The following SLC25A21 variants were observed in gnomAD, a reference collection of about 807,000 sequenced individuals.
SLC25A21 encodes the protein mitochondrial 2-oxodicarboxylate carrier.
SLC25A21 carries 47 observed loss-of-function variants against 43.8 expected under a neutral mutation model. That is an observed-to-expected ratio of 1.07 (90% CI 0.85 to 1.37). The LOEUF (loss-of-function observed/expected upper bound fraction) is 1.37. Ranked by LOEUF, SLC25A21 falls within the 40% of genes most tolerant of loss-of-function variation. The pLI, the probability that SLC25A21 is intolerant of heterozygous loss-of-function variation, is 0.00. For synonymous variants in SLC25A21, 131 were observed against 121.3 expected, an observed-to-expected ratio of 1.08 and a Z score of -0.52; for missense variants, 352 against 350.2, an observed-to-expected ratio of 1.00 and a Z score of -0.04.
At chr14:36,880,021 G>A (rs1890665096) in intron 1 of SLC25A21, among the ~76,000 whole-genome samples, 1 of 152,000 alleles carries the variant, frequency 6.6e-6, no homozygotes, top group Non-Finnish European at 1.5e-5. Flanking sequence ...GAAATCCTGG[G>A]GCAAAGATGG....
chr14:37,053,509 C>T (rs560547866), intron 1 of SLC25A21, among the ~76,000 whole-genome samples: 4 of 152,154 alleles, frequency 2.6e-5, no homozygotes, highest in Non-Finnish European at 5.9e-5. Flanking sequence ...AATGTAGATA[C>T]AGTAGAACAA....
intron 1 of SLC25A21, among the ~76,000 whole-genome samples, chr14:36,902,359 T>G (rs958553019): frequency 6.6e-6 from 1 of 152,134 alleles, no homozygotes; most frequent in Non-Finnish European, 1.5e-5. Flanking sequence ...CAAAGATGAC[T>G]ATTCAGCCTG....
intron 1 of SLC25A21, among the ~76,000 whole-genome samples, chr14:37,103,042 C>A (rs139661785): frequency 1.1e-4 from 17 of 151,752 alleles, no homozygotes; most frequent in African/African-American, 4.1e-4. Flanking sequence ...TAATAAATAT[C>A]GTATCAATCC....
At chr14:36,959,376 T>C (rs1308591295) in intron 1 of SLC25A21, among the ~76,000 whole-genome samples, 1 of 152,142 alleles carries the variant, frequency 6.6e-6, no homozygotes, top group African/African-American at 2.4e-5. Flanking sequence ...CCCCAGGAAA[T>C]GTCTTTAAAC....
intron 1 of SLC25A21, among the ~76,000 whole-genome samples, chr14:37,101,626 T>G (rs896276341): frequency 6.6e-6 from 1 of 152,218 alleles, no homozygotes; most frequent in Admixed American, 6.5e-5. Flanking sequence ...ACAAACTTTA[T>G]AGTCATGCAA....
rs146209903 is a variant in SLC25A21, at chr14:36,990,322, T to C, written c.71-115318A>G. On this transcript the variant is annotated intron_variant, in intron 1 of 9. Transcript: ENST00000331299. ...CAGTGCTGTTCCCCAGCTCTCTCCA[T>C]GCAACTGATCTGTGGGTCTTTTTGC... Among the ~76,000 whole-genome samples the C allele has an allele frequency of 9.5e-3, 1,445 of 152,298 alleles. 84 individuals carry two copies. Among genetic ancestry groups the C allele is most frequent in the Admixed American group, 0.086 (1,317 of 15,288 alleles).
At chr14:36,915,341 C>T (rs899557780) in intron 1 of SLC25A21, among the ~76,000 whole-genome samples, 2 of 152,108 alleles carry the variant, frequency 1.3e-5, no homozygotes, top group Non-Finnish European at 2.9e-5. Context: ...GGGCAAACTC[C>T]CACACTCTCT....
intron 1 of SLC25A21, among the ~76,000 whole-genome samples, chr14:36,899,245 T>C (rs1286214451): frequency 6.6e-6 from 1 of 151,200 alleles, no homozygotes; most frequent in Non-Finnish European, 1.5e-5. Flanking sequence ...AAAACTAAAA[T>C]TGAGGTAAAA....
intron 1 of SLC25A21, among the ~76,000 whole-genome samples, chr14:37,005,962 T>G (rs1213418457): frequency 2.0e-5 from 3 of 152,198 alleles, no homozygotes; most frequent in Non-Finnish European, 4.4e-5. Context: ...GTTATCAAAC[T>G]TTATTGCACA....
intron 1 of SLC25A21, among the ~76,000 whole-genome samples, chr14:36,979,369 G>A (rs1189645001): frequency 7.4e-6 from 1 of 134,510 alleles, no homozygotes; most frequent in African/African-American, 3.7e-5. Context: ...TTGTTTGTTT[G>A]TTTTGAGATG....
At chr14:37,166,872 A>G (rs74961013) in intron 1 of SLC25A21, among the ~76,000 whole-genome samples, 115 of 152,352 alleles carry the variant, frequency 7.5e-4, no homozygotes, top group African/African-American at 2.4e-3. Flanking sequence ...ATTTGGCACA[A>G]TATCTCACCA....
intron 1 of SLC25A21, among the ~76,000 whole-genome samples, chr14:37,041,294 A>T (rs2138784142): frequency 6.6e-6 from 1 of 152,270 alleles, no homozygotes; most frequent in Admixed American, 6.5e-5. Flanking sequence ...TGCATATTTG[A>T]ACTTAAAAAT....
At chr14:37,090,431 G>C (rs1376701625) in intron 1 of SLC25A21, among the ~76,000 whole-genome samples, 2 of 152,192 alleles carry the variant, frequency 1.3e-5, no homozygotes, top group African/African-American at 4.8e-5. Context: ...GTGATATGCT[G>C]TTGCAGCTCA....
At chr14:36,720,013 C>T (rs991848123) in intron 6 of SLC25A21, among the ~76,000 whole-genome samples, 5 of 152,162 alleles carry the variant, frequency 3.3e-5, no homozygotes, top group African/African-American at 1.2e-4. Context: ...ATCCCGGCTA[C>T]AGGGGCCCTT....
At chr14:37,104,170 C>A (rs1333387851) in intron 1 of SLC25A21, among the ~76,000 whole-genome samples, 1 of 152,108 alleles carries the variant, frequency 6.6e-6, no homozygotes, top group African/African-American at 2.4e-5. Flanking sequence ...ATTTACTTTA[C>A]TAGAAATGGA....
chr14:37,028,392 T>C (rs1173466403), intron 1 of SLC25A21, among the ~76,000 whole-genome samples: 3 of 152,214 alleles, frequency 2.0e-5, no homozygotes, highest in Non-Finnish European at 4.4e-5. Context: ...ATCACCATCA[T>C]TAGTGTCACT....
chr14:36,859,600 T>C (rs906259752), intron 2 of SLC25A21, among the ~76,000 whole-genome samples: 2 of 152,266 alleles, frequency 1.3e-5, no homozygotes, highest in Admixed American at 1.3e-4. Context: ...TGGGTTCAGA[T>C]GACAGTTTGT....
chr14:37,032,925 G>T lies in SLC25A21; in HGVS notation c.70+139356C>A, dbSNP rs888681379. 4.0e-4 allele frequency among the ~76,000 whole-genome samples: 61 copies of T among 151,982 alleles called. 1 individual carries two copies. The highest frequency in any genetic ancestry group is 1.0e-4 in the Non-Finnish European group (7 of 68,010). On this transcript the variant is annotated intron_variant, in intron 1 of 9. Coordinates refer to ENST00000331299, the MANE Select transcript of SLC25A21 (RefSeq NM_030631.4). Reference sequence around the variant, plus strand: ...AGACTGTTACAATGAAGAGTAAACAGGTAAGGGAGATTTCAAATAAAGTTT... The same window carrying T: ...AGACTGTTACAATGAAGAGTAAACATGTAAGGGAGATTTCAAATAAAGTTT...
At chr14:37,015,124 C>T (rs370332147) in intron 1 of SLC25A21, among the ~76,000 whole-genome samples, 3 of 151,850 alleles carry the variant, frequency 2.0e-5, no homozygotes, top group Non-Finnish European at 1.5e-5. Flanking sequence ...ATGTGCCATG[C>T]TGGTGTGCTG....
Sources: allele counts gnomAD v4.1 joint callset (sites outside exome capture counted in the v4.1 genomes callset), GRCh38; gene constraint gnomAD v4.1.1; transcripts MANE v1.5; gene names NCBI Gene and HGNC (gene_info 2026-07-23, HGNC 2026-07-21).